SLC7A14: variants seen among roughly 807,000 people sequenced by gnomAD.
The protein encoded by SLC7A14 is gamma-aminobutyric acid transporter SLC7A14.
Under a neutral mutation model 60.2 loss-of-function variants are expected in SLC7A14, and 37 were observed. That is an observed-to-expected ratio of 0.61 (90% CI 0.47 to 0.81). The LOEUF is 0.81. SLC7A14 is among the 30% of genes least tolerant of loss of function. The pLI is 0.00. For synonymous variants in SLC7A14, 399 were observed against 395.8 expected, an observed-to-expected ratio of 1.01 and a Z score of -0.10; for missense variants, 886 against 982.7, an observed-to-expected ratio of 0.90 and a Z score of 1.32.
chr3:170,479,946 T>G (rs931043323), intron 7 of SLC7A14, among the ~76,000 whole-genome samples: 1 of 152,262 alleles, frequency 6.6e-6, no homozygotes, highest in South Asian at 2.1e-4. Flanking sequence ...CCAAATGCCC[T>G]GACCCCAATT....
chr3:170,487,084 T>C (rs1182527756), intron 4 of SLC7A14, among the ~76,000 whole-genome samples: 2 of 146,382 alleles, frequency 1.4e-5, no homozygotes, highest in Non-Finnish European at 1.5e-5. Context: ...GTTTATTTGT[T>C]GCTCCTTTTG....
chr3:170,480,889 A>G lies in SLC7A14; in HGVS notation c.1393T>C (p.Ser465Pro). ...AACTCATCCCCCTCACTCACAGGAG[A>G]ACAAGCTTCCTTCTCACAGTCAGCC... ...ILADCEKEACSPVSEGDEFSG... is the reference protein window; with the variant it reads ...ILADCEKEACPPVSEGDEFSG... The change falls in exon 7 of 8, where the codon TCT becomes CCT. Residue 465 changes from serine to proline, a missense_variant. Physicochemically the swap from Ser to Pro is moderately conservative, Grantham distance 74 (BLOSUM62 -1). Transcript: ENST00000231706. 1 of 1,613,966 alleles carries G rather than the reference A, an allele frequency of 6.2e-7. No individual in the cohort carries two copies. Among genetic ancestry groups the G allele is most frequent in the Non-Finnish European group, 8.5e-7 (1 of 1,180,012 alleles).
chr3:170,472,086 T>C (rs1739925421), intron 7 of SLC7A14, among the ~76,000 whole-genome samples: 1 of 152,040 alleles, frequency 6.6e-6, no homozygotes, highest in Non-Finnish European at 1.5e-5. Context: ...TTCAATATTC[T>C]GGCTGGGCAC....
At chr3:170,504,185 C>T (rs968576073) in intron 2 of SLC7A14, among the ~76,000 whole-genome samples, 17 of 151,986 alleles carry the variant, frequency 1.1e-4, no homozygotes, top group Admixed American at 9.8e-4. Flanking sequence ...TTTACAGCCT[C>T]AAATATCCTG....
At chr3:170,498,976 T>C in intron 3 of SLC7A14, 92 bp from the exon 4 acceptor site, 1 of 1,253,602 alleles carries the variant, frequency 8.0e-7, no homozygotes, top group Non-Finnish European at 1.1e-6. Flanking sequence ...GTACTCAGCT[T>C]TAAGAAGGGC....
intron 1 of SLC7A14, among the ~76,000 whole-genome samples, chr3:170,530,528 G>A (rs1389769139): frequency 5.9e-5 from 9 of 152,340 alleles, no homozygotes; most frequent in Admixed American, 4.6e-4. Flanking sequence ...GACTGCCAGG[G>A]GGCTGGTCAG....
intron 1 of SLC7A14, among the ~76,000 whole-genome samples, chr3:170,533,719 CGTGCCTCTTAAATCATGCAGTGTTG>C (rs1317355556): frequency 6.6e-6 from 1 of 151,988 alleles, no homozygotes; most frequent in Non-Finnish European, 1.5e-5. Context: ...TGCACAAGCA[CGTGCCTCTTAAATCATGCAGTGTTG>C]GTGCCTGACA....
rs112414847 is a variant in SLC7A14 at position 170,476,004 on chromosome 3, C to A, written c.1993+4285G>T. Reference sequence around the variant, plus strand: ...CTGGGATTACAGGCATGAGCCACCACGCCCAGCCTCAAAATCACATTTCTA... The same window carrying A: ...CTGGGATTACAGGCATGAGCCACCAAGCCCAGCCTCAAAATCACATTTCTA... On this transcript the variant is annotated intron_variant, in intron 7 of 7. Coordinates refer to ENST00000231706, the MANE Select transcript of SLC7A14 (RefSeq NM_020949.3). 1.7e-3 allele frequency among the ~76,000 whole-genome samples: 253 copies of A among 152,304 alleles called. 3 individuals carry two copies. Among genetic ancestry groups the A allele is most frequent in the African/African-American group, 5.7e-3 (239 of 41,578 alleles).
At chr3:170,572,984 TA>T (rs1021485397) in intron 1 of SLC7A14, among the ~76,000 whole-genome samples, 6 of 152,004 alleles carry the variant, frequency 3.9e-5, no homozygotes, top group African/African-American at 1.4e-4. Flanking sequence ...GCGTGATTTT[TA>T]AAAAAAACCT....
In SLC7A14 at chr3:170,481,035, A is replaced by G; in HGVS notation, c.1247T>C (p.Leu416Pro). 1 of 1,613,980 alleles carries G rather than the reference A, an allele frequency of 6.2e-7. No individual in the cohort carries two copies. The highest frequency in any genetic ancestry group is 8.5e-7 in the Non-Finnish European group (1 of 1,179,958). Reference protein sequence around the residue: ...DLIEMMSIGTLLAYTLVSVCV... With the variant: ...DLIEMMSIGTPLAYTLVSVCV... ...GACAGAGACCAAGGTGTAGGCCAGG[A>G]GCGTGCCGATAGACATCATCTCTAT... is the stretch of plus-strand genomic sequence containing the variant. Residue 416 changes from leucine (L) to proline (P), a missense_variant, in exon 7 of 8, where the codon CTC (leucine) becomes CCC (proline). Transcript: ENST00000231706.
intron 2 of SLC7A14, among the ~76,000 whole-genome samples, chr3:170,511,414 A>G: frequency 6.6e-6 from 1 of 152,254 alleles, no homozygotes; most frequent in Non-Finnish European, 1.5e-5. Flanking sequence ...AAAAGAAAAA[A>G]AAGGACAAAT....
intron 1 of SLC7A14, among the ~76,000 whole-genome samples, chr3:170,580,125 C>T (rs1262117929): frequency 2.6e-5 from 4 of 152,190 alleles, no homozygotes; most frequent in African/African-American, 7.2e-5. Flanking sequence ...ATGAATTAAC[C>T]TGGAACAATG....
intron 2 of SLC7A14, chr3:170,503,069 A>T (rs940693594): frequency 6.6e-6 from 1 of 152,202 alleles, no homozygotes; most frequent in African/African-American, 2.4e-5. Context: ...ATTGTTCAGT[A>T]TTATGGAGAT....
intron 1 of SLC7A14, among the ~76,000 whole-genome samples, chr3:170,536,754 A>G (rs1433836483): frequency 6.6e-6 from 1 of 152,222 alleles, no homozygotes; most frequent in Non-Finnish European, 1.5e-5. Context: ...ATGCAACACT[A>G]TAGTTGCAAA....
chr3:170,585,194 C>T lies in SLC7A14; in HGVS notation c.-153+717G>A, dbSNP rs553413736. On this transcript the variant is annotated intron_variant, in intron 1 of 7. Transcript: ENST00000231706. The surrounding 1 kb of genome is among the most constrained non-coding windows in gnomAD (Gnocchi z 5.1). ...GAAGAGAGGAGACTGAGGGTTGAAGCAGTGCAGGAGAGCTCCCCTTGCTGG... is the reference window on the plus strand; with the variant it reads ...GAAGAGAGGAGACTGAGGGTTGAAGTAGTGCAGGAGAGCTCCCCTTGCTGG... Among the ~76,000 whole-genome samples, 1 of 152,268 alleles carries T rather than the reference C, an allele frequency of 6.6e-6. No individual in the cohort carries two copies. Among genetic ancestry groups the T allele is most frequent in the African/African-American group, 2.4e-5 (1 of 41,568 alleles).
intron 2 of SLC7A14, among the ~76,000 whole-genome samples, 184 bp from the exon 3 acceptor site, chr3:170,501,529 C>A (rs1712609230): frequency 6.6e-6 from 1 of 152,168 alleles, no homozygotes; most frequent in African/African-American, 2.4e-5. Flanking sequence ...CTGAAAAATG[C>A]AAACTTGAAT....
At chr3:170,469,865 C>T (rs1739835878) in intron 7 of SLC7A14, among the ~76,000 whole-genome samples, 1 of 152,070 alleles carries the variant, frequency 6.6e-6, no homozygotes, top group Admixed American at 6.6e-5. Flanking sequence ...TTGCCCCAAA[C>T]GTCTCTCCTC....
chr3:170,491,008 C>A (rs1712199219), intron 4 of SLC7A14, among the ~76,000 whole-genome samples: 1 of 152,178 alleles, frequency 6.6e-6, no homozygotes, highest in African/African-American at 2.4e-5. Context: ...TCCTTCTACT[C>A]CCCTACCTTC....
intron 4 of SLC7A14, among the ~76,000 whole-genome samples, chr3:170,496,892 C>A (rs148929983): frequency 6.6e-6 from 1 of 151,998 alleles, no homozygotes; most frequent in Non-Finnish European, 1.5e-5. Context: ...TGAAGAGCTG[C>A]GGCAGTCCCT....
Sources: gnomAD v4.1 joint callset for allele counts (sites outside exome capture counted in the v4.1 genomes callset) on GRCh38, gnomAD v4.1.1 for gene constraint, Gnocchi (gnomAD v3.1) non-coding constraint, MANE v1.5 for transcripts, NCBI Gene and HGNC (gene_info 2026-07-23, HGNC 2026-07-21) for gene names.